Variants in TG observed in about 807,000 individuals in gnomAD.
The protein encoded by TG is thyroglobulin.
Under a neutral mutation model 324.7 loss-of-function variants are expected in TG, and 270 were observed. That is an observed-to-expected ratio of 0.83 (90% confidence interval 0.75 to 0.92). TG has a LOEUF of 0.92. Among genes scored for constraint, TG ranks in the 40% least tolerant of loss-of-function variants. The pLI, the probability that TG is intolerant of heterozygous loss-of-function variation, is 0.00. For missense variants in TG, 3,591 were observed against 3,456.4 expected (o/e 1.04, Z -0.98); for synonymous variants, 1,401 against 1,327.0 (o/e 1.06, Z -1.21).
intron 23 of TG, among the ~76,000 whole-genome samples, chr8:132,931,096 G>T (rs1198130459): frequency 6.6e-6 from 1 of 152,224 alleles, no homozygotes; most frequent in African/African-American, 2.4e-5. Context: ...GGATCAAGGT[G>T]TTGGCAGGGT....
intron 22 of TG, among the ~76,000 whole-genome samples, chr8:132,928,086 G>A (rs1326388123): frequency 6.6e-6 from 1 of 152,088 alleles, no homozygotes; most frequent in Non-Finnish European, 1.5e-5. Flanking sequence ...TGTCATTAAT[G>A]CTCACTTCTC....
intron 41 of TG, chr8:133,049,161 C>T (rs1587880403): frequency 2.2e-6 from 1 of 456,522 alleles, no homozygotes; most frequent in Middle Eastern, 3.3e-4. Flanking sequence ...ACCCAGGAGG[C>T]TGCAGAGGCC....
chr8:133,028,067 T>C (rs1312987693), intron 40 of TG, among the ~76,000 whole-genome samples: 2 of 152,180 alleles, frequency 1.3e-5, no homozygotes, highest in South Asian at 2.1e-4. Context: ...CTCTCAGAAG[T>C]CTAGACCCCA....
In TG at chr8:132,910,871, G is replaced by T. The variant is rs115166413; in HGVS notation, c.4003-506G>T. Among the ~76,000 whole-genome samples the T allele has an allele frequency of 3.1e-3, 477 of 152,258 alleles. 2 individuals are homozygous for T. Among genetic ancestry groups the T allele is most frequent in the African/African-American group, 0.011 (467 of 41,550 alleles). On this transcript the variant is annotated intron_variant, in intron 18 of 47. Coordinates refer to ENST00000220616, the MANE Select transcript of TG (RefSeq NM_003235.5). ...GGACCAAAGCCTGGCACCATCCTTG[G>T]GCTAACAGGCCTCACAACCGTCTGT...
chr8:132,910,584 T>C (rs1819372952), intron 18 of TG, among the ~76,000 whole-genome samples: 1 of 120,036 alleles, frequency 8.3e-6, no homozygotes. Flanking sequence ...TTAGTGTCCT[T>C]ATAAAAGAGA....
chr8:133,028,572 C>T (rs928831301), intron 40 of TG, among the ~76,000 whole-genome samples: 1 of 152,126 alleles, frequency 6.6e-6, no homozygotes, highest in African/African-American at 2.4e-5. Context: ...CGGTTCTGTT[C>T]CCTTTACAAA....
intron 34 of TG, 152 bp downstream of exon 34, chr8:132,972,893 C>A: frequency 9.1e-7 from 1 of 1,095,866 alleles, no homozygotes; most frequent in Non-Finnish European, 1.3e-6. Flanking sequence ...CTTAAGCAGA[C>A]AAGAAACTTA....
At chr8:132,930,844 G>C (rs952171974) in intron 23 of TG, among the ~76,000 whole-genome samples, 6 of 152,142 alleles carry the variant, frequency 3.9e-5, no homozygotes, top group Non-Finnish European at 8.8e-5. Flanking sequence ...AATATGCTGA[G>C]AGAAAACAGA....
chr8:132,901,359 G>A lies in TG; in HGVS notation c.3440G>A (p.Ser1147Asn). The A allele has an allele frequency of 2.5e-6, 4 of 1,614,184 alleles. No homozygotes were observed. Among genetic ancestry groups the A allele is most frequent in the South Asian group, 1.1e-5 (1 of 91,092 alleles). The part of the protein sequence containing the change: ...PGSSSSAQCP[S>N]LCNVLKSGVL... ...TGGCTTGTCTCTGTGTCAGGCCCAA[G>A]CCTCTGCAATGTGCTCAAGAGTGGA... Residue 1147 changes from serine (S) to asparagine (N), a missense_variant, in exon 16 of 48, where the codon AGC (serine) becomes AAC (asparagine). Ser to Asn is a conservative substitution (Grantham distance 46). Transcript: ENST00000220616.
chr8:133,082,984 C>T (rs541675431), intron 41 of TG, among the ~76,000 whole-genome samples: 189 of 152,306 alleles, frequency 1.2e-3, no homozygotes, highest in African/African-American at 2.2e-3. Context: ...TGCTTCCATG[C>T]CCACTGAGCC....
intron 30 of TG, among the ~76,000 whole-genome samples, chr8:132,967,148 T>TCCATCCAC (rs1828707893): frequency 7.0e-6 from 1 of 142,974 alleles, no homozygotes; most frequent in Non-Finnish European, 1.5e-5. Context: ...CATCCATCCA[T>TCCATCCAC]CCATCCACCC....
intron 29 of TG, among the ~76,000 whole-genome samples, chr8:132,965,438 C>A (rs1828411588): frequency 2.0e-5 from 3 of 152,214 alleles, no homozygotes; most frequent in Admixed American, 1.3e-4. Flanking sequence ...AAGTGCAGGG[C>A]CCAAGTCCAC....
At chr8:132,878,793 G>C (rs1361221254) in intron 5 of TG, among the ~76,000 whole-genome samples, 4 of 151,972 alleles carry the variant, frequency 2.6e-5, no homozygotes, top group Non-Finnish European at 5.9e-5. Flanking sequence ...GCATGCAAAC[G>C]ACCCTTCTAG....
chr8:133,110,924 A>G (rs191330431), intron 43 of TG, among the ~76,000 whole-genome samples: 1 of 152,342 alleles, frequency 6.6e-6, no homozygotes, highest in Admixed American at 6.5e-5. Context: ...TTAGCAGGCG[A>G]CTGCTTTGTT....
intron 20 of TG, 138 bp downstream of exon 20, chr8:132,913,403 A>C: frequency 1.1e-6 from 1 of 875,636 alleles, no homozygotes; most frequent in South Asian, 1.4e-5. Context: ...AAAAGTTTTC[A>C]ATCATCTACT....
intron 41 of TG, among the ~76,000 whole-genome samples, chr8:133,087,006 G>T (rs1479434278): frequency 6.6e-6 from 1 of 150,876 alleles, no homozygotes; most frequent in Non-Finnish European, 1.5e-5. Context: ...TATCGACAAT[G>T]GATTGTTAGG....
chr8:133,048,258 T>C (rs1228853468), intron 41 of TG, among the ~76,000 whole-genome samples: 2 of 152,182 alleles, frequency 1.3e-5, no homozygotes, highest in Non-Finnish European at 2.9e-5. Context: ...CCCTGCTCTA[T>C]CACCCAGACT....
At chr8:132,898,961 A>G in intron 14 of TG, 51 bp downstream of exon 14, 2 of 1,487,840 alleles carry the variant, frequency 1.3e-6, no homozygotes, top group Non-Finnish European at 1.9e-6. Flanking sequence ...CCCGCTGGTC[A>G]GAGATGATTT....
rs540180862 is a variant in TG, at chr8:132,997,515, G to A, written c.6262+14103G>A. Among the ~76,000 whole-genome samples, 9 of 152,194 alleles carry A rather than the reference G, an allele frequency of 5.9e-5. No homozygotes were observed. The South Asian group carries it at 1.9e-3, about 32-fold the overall frequency. On this transcript the variant is annotated intron_variant, in intron 35 of 47. Coordinates refer to ENST00000220616, the MANE Select transcript of TG (RefSeq NM_003235.5). ...AAGGGCAGCCCCTTGAGGAGAGGAG[G>A]AGACACTAGGAAGAGCAGCTGGAGA...
Sources: gnomAD v4.1 joint callset for allele counts (sites outside exome capture counted in the v4.1 genomes callset) on GRCh38, gnomAD v4.1.1 for gene constraint, MANE v1.5 for transcripts, NCBI Gene and HGNC (gene_info 2026-07-23, HGNC 2026-07-21) for gene names.